Variants in IQCJ observed in about 807,000 individuals in gnomAD.
IQCJ encodes the protein IQ motif containing J.
IQCJ carries 9 observed loss-of-function variants against 11.0 expected under a neutral mutation model. That is an observed-to-expected ratio of 0.82 (90% CI 0.49 to 1.43). The LOEUF is 1.43. Among genes scored for constraint, IQCJ ranks in the 40% most tolerant of loss-of-function variants. The pLI is 0.00. For synonymous variants in IQCJ, 55 were observed against 51.3 expected, an observed-to-expected ratio of 1.07 and a Z score of -0.31; for missense variants, 146 against 133.2, an observed-to-expected ratio of 1.10 and a Z score of -0.47.
At chr3:159,082,245 T>A (rs34192137) in intron 1 of IQCJ, among the ~76,000 whole-genome samples, 1 of 152,032 alleles carries the variant, frequency 6.6e-6, no homozygotes, top group South Asian at 2.1e-4. Context: ...ATATGAAAAT[T>A]ATAACATCAA....
At chr3:159,133,164 G>A (rs775123468) in intron 1 of IQCJ, among the ~76,000 whole-genome samples, 2 of 152,098 alleles carry the variant, frequency 1.3e-5, no homozygotes, top group Non-Finnish European at 2.9e-5. Context: ...GGTATTATTG[G>A]CACACAGCCC....
intron 1 of IQCJ, among the ~76,000 whole-genome samples, chr3:159,116,665 TATATAC>T (rs1315131508): frequency 0.026 from 514 of 20,046 alleles, 49 homozygotes; most frequent in Non-Finnish European, 0.032. Flanking sequence ...TATATATATA[TATATAC>T]ACCCTTCATC....
chr3:159,139,911 A>AG (rs1229596047), intron 1 of IQCJ, among the ~76,000 whole-genome samples: 1 of 152,238 alleles, frequency 6.6e-6, no homozygotes, highest in African/African-American at 2.4e-5. Context: ...AGCCGTGGAC[A>AG]GGGCCAGGAT....
At chr3:159,180,923 T>C (rs1723058161) in intron 1 of IQCJ, among the ~76,000 whole-genome samples, 1 of 152,066 alleles carries the variant, frequency 6.6e-6, no homozygotes, top group Admixed American at 6.5e-5. Flanking sequence ...CTGCTGTTTT[T>C]CACTTAGCAC....
chr3:159,225,987 A>T (rs1725834410), intron 1 of IQCJ, among the ~76,000 whole-genome samples: 1 of 152,190 alleles, frequency 6.6e-6, no homozygotes, highest in African/African-American at 2.4e-5. Context: ...TAAAGAACAC[A>T]ATTCATAAAT....
intron 3 of IQCJ, among the ~76,000 whole-genome samples, chr3:159,253,667 A>C (rs893868257): frequency 5.9e-5 from 9 of 152,016 alleles, no homozygotes; most frequent in Non-Finnish European, 1.0e-4. Flanking sequence ...TCCGAGAAGC[A>C]TGAGAATTTA....
intron 1 of IQCJ, among the ~76,000 whole-genome samples, chr3:159,117,251 T>G (rs915269784): frequency 6.6e-6 from 1 of 152,146 alleles, no homozygotes; most frequent in African/African-American, 2.4e-5. Context: ...TCTTCTTTGC[T>G]CTGTCCAGGT....
At chr3:159,265,228 C>G, downstream of IQCJ, 1 of 1,613,490 alleles carries the variant, frequency 6.2e-7, no homozygotes, top group Non-Finnish European at 8.5e-7. Context: ...GCCAGGGCCC[C>G]TGTTGGGAAG....
At chr3:159,247,798 C>G (rs1474805219) in intron 2 of IQCJ, among the ~76,000 whole-genome samples, 1 of 152,286 alleles carries the variant, frequency 6.6e-6, no homozygotes, top group East Asian at 1.9e-4. Flanking sequence ...AAGAGGAATT[C>G]TGGTTTTTAT....
At chr3:159,225,633 G>C (rs1725813481) in intron 1 of IQCJ, among the ~76,000 whole-genome samples, 5 of 151,722 alleles carry the variant, frequency 3.3e-5, no homozygotes, top group Admixed American at 3.3e-4. Context: ...TTTCTTTTTA[G>C]TCACAACACT....
rs546143919 is a variant in IQCJ at position 159,260,594 on chromosome 3, CG to C, written c.156-1951del. Among the ~76,000 whole-genome samples, 9 of 152,214 alleles carry C rather than the reference CG, an allele frequency of 5.9e-5. No homozygotes were observed. The South Asian group carries it at 8.3e-4, about 14-fold the overall frequency. On this transcript the variant is annotated intron_variant, in intron 3 of 3. Transcript: ENST00000397832. Reference sequence around the variant, plus strand: ...TTAAGTTCACTCCTCTCTGATATAACGGGTCTTGAAGAAGCAAGAAGACCAC... The same window carrying C: ...TTAAGTTCACTCCTCTCTGATATAACGGTCTTGAAGAAGCAAGAAGACCAC...
At chr3:159,231,738 C>T (rs375716452) in intron 1 of IQCJ, among the ~76,000 whole-genome samples, 16 of 152,170 alleles carry the variant, frequency 1.1e-4, no homozygotes, top group Admixed American at 2.0e-4. Flanking sequence ...TGGTAGAATT[C>T]GGCTGTGAAT....
chr3:159,218,837 G>A (rs1036881437), intron 1 of IQCJ, among the ~76,000 whole-genome samples: 32 of 152,080 alleles, frequency 2.1e-4, no homozygotes, highest in African/African-American at 7.2e-4. Flanking sequence ...AGTCTGAAAC[G>A]GGTTTTGATG....
At chr3:159,200,104 A>AAT (rs539820364) in intron 1 of IQCJ, among the ~76,000 whole-genome samples, 21,469 of 116,862 alleles carry the variant, frequency 0.18, 3,191 homozygotes, top group South Asian at 0.32. Context: ...TTTATACATA[A>AAT]ATATATATAT....
At chr3:159,153,799 G>A (rs1198266191) in intron 1 of IQCJ, among the ~76,000 whole-genome samples, 1 of 152,134 alleles carries the variant, frequency 6.6e-6, no homozygotes, top group Non-Finnish European at 1.5e-5. Flanking sequence ...TGTATATGGG[G>A]CTGAGTATAC....
At chr3:159,210,190 A>T (rs968636962) in intron 1 of IQCJ, among the ~76,000 whole-genome samples, 2 of 152,178 alleles carry the variant, frequency 1.3e-5, no homozygotes, top group Non-Finnish European at 2.9e-5. Context: ...TAGGGAATGT[A>T]AGAAAACAAT....
At chr3:159,106,178 G>T (rs1559987153) in intron 1 of IQCJ, among the ~76,000 whole-genome samples, 1 of 152,122 alleles carries the variant, frequency 6.6e-6, no homozygotes. Flanking sequence ...AGAGGGAAAG[G>T]CTTACAATGG....
chr3:159,252,001 A>T (rs1327012937), intron 2 of IQCJ, among the ~76,000 whole-genome samples: 1 of 152,030 alleles, frequency 6.6e-6, no homozygotes, highest in Admixed American at 6.6e-5. Context: ...TTGTTCTCCT[A>T]TTTTTTTCAT....
At chr3:159,069,572 T>G (rs1303640020) in intron 1 of IQCJ, 131 bp downstream of exon 1, 17 of 1,317,078 alleles carry the variant, frequency 1.3e-5, no homozygotes, top group Non-Finnish European at 1.7e-5. Context: ...TAGAACAGTG[T>G]GGGCTTAATT....
Sources: gnomAD v4.1 joint callset for allele counts (sites outside exome capture counted in the v4.1 genomes callset) on GRCh38, gnomAD v4.1.1 for gene constraint, MANE v1.5 for transcripts, NCBI Gene and HGNC (gene_info 2026-07-23, HGNC 2026-07-21) for gene names.